The following CCDC7 variants were observed in gnomAD, a reference collection of about 807,000 sequenced individuals.
The protein encoded by CCDC7 is coiled-coil domain containing 7.
In CCDC7, 183 loss-of-function variants were observed where a neutral mutation model predicts 196.9. The ratio of observed to expected loss-of-function variants is 0.93; its 90% CI spans 0.82 to 1.05. CCDC7 has a LOEUF of 1.05. CCDC7 is among the 50% of genes least tolerant of loss of function. The probability of loss-of-function intolerance (pLI) is 0.00; values close to 1 mark genes in which losing one functional copy is unlikely to be tolerated. For missense variants in CCDC7, 1,540 were observed against 1,482.2 expected (o/e 1.04, Z -0.64); for synonymous variants, 525 against 484.6 (o/e 1.08, Z -1.10).
At chr10:32,773,784 G>A (rs577770007) in intron 28 of CCDC7, among the ~76,000 whole-genome samples, 1 of 152,110 alleles carries the variant, frequency 6.6e-6, no homozygotes, top group East Asian at 1.9e-4. Context: ...TTGAGCTTTT[G>A]CAGGTGTTTT....
At chr10:32,466,780 T>A (rs1392442378) in intron 5 of CCDC7, among the ~76,000 whole-genome samples, 1 of 140,090 alleles carries the variant, frequency 7.1e-6, no homozygotes. Flanking sequence ...TTCCCTTGGG[T>A]ATATACCCAG....
chr10:32,544,354 T>C, intron 13 of CCDC7, 53 bp downstream of exon 14: 1 of 1,525,840 alleles, frequency 6.6e-7, no homozygotes, highest in African/African-American at 1.4e-5. Context: ...CTTGCTCTGA[T>C]AGTCATATAT....
At chr10:32,815,278 A>C (rs1173715212) in intron 31 of CCDC7, among the ~76,000 whole-genome samples, 1 of 152,182 alleles carries the variant, frequency 6.6e-6, no homozygotes, top group Admixed American at 6.5e-5. Context: ...TAGATTTAGC[A>C]GACAATGATT....
At chr10:32,444,815 T>C (rs1040696449), upstream of CCDC7, among the ~76,000 whole-genome samples, 1 of 151,928 alleles carries the variant, frequency 6.6e-6, no homozygotes, top group Non-Finnish European at 1.5e-5. Context: ...AAAACACACA[T>C]ACTGAAAAGT....
At chr10:32,672,713 C>T (rs184746391) in intron 21 of CCDC7, among the ~76,000 whole-genome samples, 140 of 152,270 alleles carry the variant, frequency 9.2e-4, no homozygotes, top group African/African-American at 3.1e-3. Flanking sequence ...ATAGCCTCCA[C>T]CTTTCTTCTT....
downstream of CCDC7, chr10:32,877,183 T>G (rs1394759906): frequency 6.6e-6 from 1 of 152,110 alleles, no homozygotes; most frequent in Non-Finnish European, 1.5e-5. Context: ...GTAAAGATAT[T>G]ATTTACATTT....
At chr10:32,466,738 ATGTACG>A (rs1444040086) in intron 5 of CCDC7, among the ~76,000 whole-genome samples, 8 of 152,140 alleles carry the variant, frequency 5.3e-5, no homozygotes, top group Non-Finnish European at 1.0e-4. Flanking sequence ...GAACATACAC[ATGTACG>A]TGTCTTTATG....
chr10:32,833,888 G>C (rs1028847206), intron 32 of CCDC7, among the ~76,000 whole-genome samples: 3 of 151,780 alleles, frequency 2.0e-5, no homozygotes, highest in African/African-American at 7.3e-5. Context: ...ATGATGTCTG[G>C]GTCACTGCAG....
chr10:32,745,119 G>A (rs1230618862), intron 28 of CCDC7, among the ~76,000 whole-genome samples: 1 of 152,102 alleles, frequency 6.6e-6, no homozygotes, highest in East Asian at 1.9e-4. Flanking sequence ...ATTAAAATTG[G>A]TTGACCATAT....
intron 41 of CCDC7, among the ~76,000 whole-genome samples, chr10:32,872,446 TG>T (rs2094463300): frequency 6.6e-6 from 1 of 151,888 alleles, no homozygotes; most frequent in East Asian, 1.9e-4. Context: ...GCACGTGAGA[TG>T]GGTTTCCTGA....
intron 29 of CCDC7, among the ~76,000 whole-genome samples, chr10:32,784,681 C>T (rs1374272624): frequency 6.6e-6 from 1 of 151,454 alleles, no homozygotes; most frequent in East Asian, 2.0e-4. Context: ...AAGCGATTCT[C>T]CTGCCTCAGC....
chr10:32,471,382 TA>T, intron 6 of CCDC7, 152 bp downstream of exon 7: 1 of 908,756 alleles, frequency 1.1e-6, no homozygotes, highest in South Asian at 2.1e-5. Context: ...TTTGCAATTT[TA>T]AATAATCTGA....
chr10:32,613,358 A>G (rs2062400833), intron 18 of CCDC7, among the ~76,000 whole-genome samples: 1 of 151,430 alleles, frequency 6.6e-6, no homozygotes, highest in Admixed American at 6.7e-5. Flanking sequence ...TTTTCAAAAA[A>G]CTAGCTCCTG....
At chr10:32,845,719 T>C (rs765801609) in intron 35 of CCDC7, 93 bp downstream of exon 36, 34 of 1,217,168 alleles carry the variant, frequency 2.8e-5, no homozygotes, top group Non-Finnish European at 3.7e-5. Context: ...ATAGTACCTA[T>C]ATGTTGGTAT....
At chr10:32,837,010 A>G (rs956431284) in intron 33 of CCDC7, among the ~76,000 whole-genome samples, 1 of 152,172 alleles carries the variant, frequency 6.6e-6, no homozygotes, top group Admixed American at 6.6e-5. Flanking sequence ...GGACATAGGC[A>G]TGGGTAAGGA....
At chr10:32,666,157 C>T (rs2072653798) in intron 21 of CCDC7, among the ~76,000 whole-genome samples, 1 of 147,346 alleles carries the variant, frequency 6.8e-6, no homozygotes, top group South Asian at 2.1e-4. Context: ...GAAGTTTCAC[C>T]GGTGTTATTT....
chr10:32,799,407 AC>A (rs1339474914), intron 29 of CCDC7, among the ~76,000 whole-genome samples: 3 of 152,094 alleles, frequency 2.0e-5, no homozygotes, highest in Non-Finnish European at 4.4e-5. Context: ...CTTGCATAGC[AC>A]CCTGGACTTA....
At chr10:32,876,391 T>A (rs747419058) in exon 42 of CCDC7, 1 of 1,609,984 alleles carries the variant, frequency 6.2e-7, no homozygotes, top group South Asian at 1.1e-5. Flanking sequence ...CCCATACTTT[T>A]GAGAATGAAG....
intron 28 of CCDC7, among the ~76,000 whole-genome samples, chr10:32,766,266 A>T (rs1280313452): frequency 6.6e-6 from 1 of 152,038 alleles, no homozygotes; most frequent in African/African-American, 2.4e-5. Context: ...AAAAACAGGT[A>T]TAATGCCTAT....
Sources: gnomAD v4.1 joint callset for allele counts (sites outside exome capture counted in the v4.1 genomes callset) on GRCh38, gnomAD v4.1.1 for gene constraint, MANE v1.5 for transcripts, NCBI Gene and HGNC (gene_info 2026-07-23, HGNC 2026-07-21) for gene names.